The following PLXNA2 variants were observed in gnomAD, a reference collection of about 807,000 sequenced individuals.
PLXNA2 encodes plexin-A2.
PLXNA2 carries 91 observed loss-of-function variants against 193.5 expected under a neutral mutation model. The observed-to-expected ratio is 0.47, with a 90% CI of 0.40 to 0.56. The LOEUF is 0.56. PLXNA2 is among the 20% of genes least tolerant of loss of function. The pLI, the probability that PLXNA2 is intolerant of heterozygous loss-of-function variation, is 0.00. For missense variants in PLXNA2, 1,995 were observed against 2,503.2 expected (o/e 0.80, Z 4.33); for synonymous variants, 997 against 1,027.3 (o/e 0.97, Z 0.56).
chr1:208,218,154 C>T (rs969147392), intron 1 of PLXNA2, 152 bp from the exon 2 acceptor site: 1 of 640,356 alleles, frequency 1.6e-6, no homozygotes, highest in Non-Finnish European at 2.7e-6. Flanking sequence ...CTTTCTCCCT[C>T]TTAGGAATGT....
intron 3 of PLXNA2, among the ~76,000 whole-genome samples, chr1:208,163,397 A>G (rs796624570): frequency 3.3e-5 from 5 of 152,318 alleles, no homozygotes; most frequent in African/African-American, 1.2e-4. Context: ...AGGGAGGTGG[A>G]AAGGAGGGCA....
intron 13 of PLXNA2, among the ~76,000 whole-genome samples, chr1:208,055,808 T>A (rs1045147573): frequency 2.0e-5 from 3 of 152,222 alleles, no homozygotes; most frequent in Non-Finnish European, 4.4e-5. Flanking sequence ...GCCACTGATC[T>A]CCATCTCCTT....
chr1:208,101,337 T>C (rs2102415573), intron 5 of PLXNA2, among the ~76,000 whole-genome samples: 1 of 152,276 alleles, frequency 6.6e-6, no homozygotes, highest in South Asian at 2.1e-4. Flanking sequence ...CCCCATCTCC[T>C]CACGCCTGAT....
chr1:208,181,645 T>A (rs1669845912), intron 3 of PLXNA2, among the ~76,000 whole-genome samples: 1 of 152,256 alleles, frequency 6.6e-6, no homozygotes, highest in East Asian at 1.9e-4. Context: ...AGGTCAGAAG[T>A]CAGAGAGGGG....
intron 26 of PLXNA2, 132 bp from the exon 27 acceptor site, chr1:208,034,724 C>T (rs1664619345): frequency 1.7e-6 from 1 of 602,542 alleles, no homozygotes; most frequent in East Asian, 2.9e-5. Context: ...ATACCAGAAA[C>T]AACCATTACT....
chr1:208,185,696 C>CAAAAAAAAAAAAAAAAAAAAAAAGA (rs56384277), intron 3 of PLXNA2, among the ~76,000 whole-genome samples: 3 of 57,268 alleles, frequency 5.2e-5, no homozygotes, highest in South Asian at 9.9e-4. Context: ...TCTCTGAAAG[C>CAAAAAAAAAAAAAAAAAAAAAAAGA]AAAAAAAAAA....
intron 6 of PLXNA2, among the ~76,000 whole-genome samples, chr1:208,098,456 TCTCACA>T (rs1276512918): frequency 4.7e-4 from 51 of 109,188 alleles, no homozygotes; most frequent in Middle Eastern, 0.011. Flanking sequence ...TCTCTCTCTC[TCTCACA>T]CACACACACA....
In PLXNA2 at chr1:208,152,532, C is replaced by CA. The variant is rs755522206; in HGVS notation, c.1372-10070dup. On this transcript the variant is annotated intron_variant, in intron 3 of 31. Coordinates refer to ENST00000367033, the MANE Select transcript of PLXNA2 (RefSeq NM_025179.4). ...TGTTCGATCCTGCCTTTTCTGTATG[C>CA]AAAATCCTTAAATTTCAGGTGTTGG... Among the ~76,000 whole-genome samples the CA allele has an allele frequency of 1.7e-3, 263 of 152,302 alleles. 3 individuals carry two copies. The highest frequency in any genetic ancestry group is 2.7e-3 in the Non-Finnish European group (187 of 68,020).
intron 2 of PLXNA2, among the ~76,000 whole-genome samples, chr1:208,215,422 G>A (rs1671093211): frequency 6.6e-6 from 1 of 152,082 alleles, no homozygotes; most frequent in Non-Finnish European, 1.5e-5. Flanking sequence ...AATAAAGAGA[G>A]GGATGAATGG....
At chr1:208,094,212 G>T (rs1319845121) in intron 8 of PLXNA2, among the ~76,000 whole-genome samples, 7 of 152,216 alleles carry the variant, frequency 4.6e-5, no homozygotes, top group Admixed American at 4.6e-4. Context: ...AAGGAGGATG[G>T]TTATTGGGGC....
At chr1:208,096,368 C>T (rs555591910) in intron 7 of PLXNA2, among the ~76,000 whole-genome samples, 1 of 152,232 alleles carries the variant, frequency 6.6e-6, no homozygotes, top group African/African-American at 2.4e-5. Flanking sequence ...TTCCACGGAG[C>T]CCCTTGCCTT....
At chr1:208,230,953 C>T (rs1671671319) in intron 1 of PLXNA2, among the ~76,000 whole-genome samples, 1 of 152,154 alleles carries the variant, frequency 6.6e-6, no homozygotes, top group African/African-American at 2.4e-5. Flanking sequence ...GAACTCTGGG[C>T]AGAGGTCTGA....
intron 13 of PLXNA2, among the ~76,000 whole-genome samples, chr1:208,058,322 G>C (rs1048277584): frequency 1.3e-5 from 2 of 152,210 alleles, no homozygotes; most frequent in African/African-American, 4.8e-5. Context: ...AGACCTGTGG[G>C]GTGCTGATTG....
chr1:208,131,383 G>C (rs1280472237), intron 4 of PLXNA2, among the ~76,000 whole-genome samples: 1 of 152,160 alleles, frequency 6.6e-6, no homozygotes, highest in African/African-American at 2.4e-5. Context: ...AAACGAATCA[G>C]ACTCTCGGCA....
chr1:208,195,167 TGA>T (rs1469389023), intron 3 of PLXNA2, among the ~76,000 whole-genome samples: 2 of 152,162 alleles, frequency 1.3e-5, no homozygotes, highest in African/African-American at 2.4e-5. Flanking sequence ...CCGTGGGAGA[TGA>T]GTGGCATGTA....
chr1:208,029,534 A>G, intron 29 of PLXNA2: 5 of 996,800 alleles, frequency 5.0e-6, no homozygotes, highest in Non-Finnish European at 6.0e-6. Context: ...TGCCCAAGCT[A>G]CTTCCCAGGG....
chr1:208,037,131 G>T (rs771469122), intron 26 of PLXNA2, among the ~76,000 whole-genome samples: 3 of 152,194 alleles, frequency 2.0e-5, no homozygotes, highest in Non-Finnish European at 2.9e-5. Flanking sequence ...ACTTTCGCAA[G>T]TCAGGGTTGT....
At chr1:208,043,745 C>G (rs1664958563) in intron 20 of PLXNA2, among the ~76,000 whole-genome samples, 1 of 152,206 alleles carries the variant, frequency 6.6e-6, no homozygotes, top group African/African-American at 2.4e-5. Context: ...ACTCACCAGC[C>G]CTGTTGCCAG....
chr1:208,194,460 CAAAAAA>C (rs10522096), intron 3 of PLXNA2, among the ~76,000 whole-genome samples: 2 of 93,988 alleles, frequency 2.1e-5, no homozygotes, highest in Non-Finnish European at 4.4e-5. Flanking sequence ...CAGCTTACTG[CAAAAAA>C]AAAAAAAAAA....
Sources: gnomAD v4.1 joint callset for allele counts (sites outside exome capture counted in the v4.1 genomes callset) on GRCh38, gnomAD v4.1.1 for gene constraint, MANE v1.5 for transcripts, NCBI Gene and HGNC (gene_info 2026-07-23, HGNC 2026-07-21) for gene names.